DIAPH2: variants seen among roughly 807,000 people sequenced by gnomAD.
The protein encoded by DIAPH2 is protein diaphanous homolog 2.
DIAPH2 carries 35 observed loss-of-function variants against 92.7 expected under a neutral mutation model. That is an observed-to-expected ratio of 0.38 (90% CI 0.29 to 0.50). The LOEUF is 0.50. Ranked by LOEUF, DIAPH2 falls within the 20% of genes least tolerant of loss-of-function variation. The probability of loss-of-function intolerance (pLI) is 0.94; values close to 1 mark genes in which losing one functional copy is unlikely to be tolerated. For missense variants in DIAPH2, 701 were observed against 819.5 expected (o/e 0.86, Z 1.77); for synonymous variants, 301 against 280.4 (o/e 1.07, Z -0.73).
chrX:96,808,449 A>G (rs1170605401), intron 4 of DIAPH2, among the ~76,000 whole-genome samples: 1 of 111,812 alleles, frequency 8.9e-6, no homozygotes, highest in Non-Finnish European at 1.9e-5. Flanking sequence ...TCATATTTTG[A>G]ATATATCTGC....
intron 26 of DIAPH2, among the ~76,000 whole-genome samples, chrX:97,464,747 A>G (rs1341398840): frequency 8.9e-6 from 1 of 112,196 alleles, no homozygotes; most frequent in Non-Finnish European, 1.9e-5. Context: ...CTACACCCAT[A>G]ATCCTAGCAC....
At chrX:97,313,415 G>A (rs1007958501) in intron 23 of DIAPH2, among the ~76,000 whole-genome samples, 2 of 111,468 alleles carry the variant, frequency 1.8e-5, no homozygotes, top group African/African-American at 6.5e-5. Flanking sequence ...ATATAACATG[G>A]TTTGAAAAAT....
chrX:97,208,879 G>T (rs2067818220), intron 22 of DIAPH2, among the ~76,000 whole-genome samples: 1 of 108,752 alleles, frequency 9.2e-6, no homozygotes, highest in Non-Finnish European at 1.9e-5. Context: ...GTTTTTTTTT[G>T]GTCATTATTT....
chrX:97,118,984 T>A (rs1321780867), intron 21 of DIAPH2, among the ~76,000 whole-genome samples: 1 of 111,993 alleles, frequency 8.9e-6, no homozygotes, highest in Non-Finnish European at 1.9e-5. Flanking sequence ...TTCCTTGCAT[T>A]GGGCTTCACC....
intron 24 of DIAPH2, among the ~76,000 whole-genome samples, chrX:97,365,502 CTGAT>C (rs774956549): frequency 5.4e-5 from 6 of 110,829 alleles, no homozygotes; most frequent in Non-Finnish European, 1.1e-4. Context: ...CCCTTTTTCT[CTGAT>C]TGGAATACAG....
chrX:97,423,875 AC>A (rs1284660482), intron 25 of DIAPH2, among the ~76,000 whole-genome samples: 5 of 110,890 alleles, frequency 4.5e-5, no homozygotes, highest in African/African-American at 1.3e-4. Context: ...AAACACATAA[AC>A]AATTTTTTTT....
At chrX:97,053,768 A>G (rs987682307) in intron 17 of DIAPH2, among the ~76,000 whole-genome samples, 2 of 111,696 alleles carry the variant, frequency 1.8e-5, no homozygotes, top group East Asian at 2.8e-4. Context: ...AAAAAAATCA[A>G]TACAGTCTAC....
At chrX:97,339,463 C>T (rs773542614) in intron 23 of DIAPH2, among the ~76,000 whole-genome samples, 3 of 110,327 alleles carry the variant, frequency 2.7e-5, no homozygotes, top group East Asian at 2.8e-4. Context: ...TGCAGCGAGC[C>T]GAGATCACGC....
At chrX:97,222,892 A>G (rs1315520505) in intron 22 of DIAPH2, among the ~76,000 whole-genome samples, 1 of 111,275 alleles carries the variant, frequency 9.0e-6, no homozygotes, top group Non-Finnish European at 1.9e-5. Flanking sequence ...GATTATCACC[A>G]CTCACTGCAG....
chrX:97,462,277 G>C (rs910192850), intron 26 of DIAPH2, among the ~76,000 whole-genome samples: 6 of 112,203 alleles, frequency 5.3e-5, no homozygotes, highest in Non-Finnish European at 1.1e-4. Context: ...AAAGTTGGTG[G>C]TTTAGAATAA....
intron 26 of DIAPH2, among the ~76,000 whole-genome samples, chrX:97,500,775 T>G (rs2070790956): frequency 3.8e-5 from 3 of 79,174 alleles, no homozygotes; most frequent in South Asian, 6.6e-4. Flanking sequence ...TATATATATA[T>G]ATATATATAT....
At chrX:97,461,039 G>A (rs948509598) in intron 26 of DIAPH2, among the ~76,000 whole-genome samples, 3 of 111,960 alleles carry the variant, frequency 2.7e-5, no homozygotes, top group Non-Finnish European at 5.6e-5. Flanking sequence ...CTACAGGGCC[G>A]ATTCTAGCAT....
chrX:97,269,755 T>A (rs57238991), intron 23 of DIAPH2, among the ~76,000 whole-genome samples: 3,200 of 105,638 alleles, frequency 0.03, 88 homozygotes, highest in African/African-American at 0.091. Context: ...ATTTTTATTT[T>A]TTTTTTTTTT....
At chrX:96,901,869 G>A (rs2065399677) in intron 5 of DIAPH2, among the ~76,000 whole-genome samples, 1 of 110,899 alleles carries the variant, frequency 9.0e-6, no homozygotes, top group African/African-American at 3.3e-5. Flanking sequence ...TACTTGAGGT[G>A]TGACATTAGG....
intron 4 of DIAPH2, among the ~76,000 whole-genome samples, chrX:96,782,731 G>A (rs1050202775): frequency 3.6e-5 from 4 of 111,283 alleles, no homozygotes; most frequent in African/African-American, 1.3e-4. Context: ...GCTACTCCTG[G>A]CCAATATTTC....
chrX:96,813,490 G>C (rs1602530402), intron 4 of DIAPH2, among the ~76,000 whole-genome samples: 1 of 111,295 alleles, frequency 9.0e-6, no homozygotes, highest in South Asian at 3.8e-4. Flanking sequence ...TTGCCAGTCT[G>C]TGTCTTTTAA....
At chrX:96,722,230 G>A (rs747791709) in intron 1 of DIAPH2, among the ~76,000 whole-genome samples, 2 of 110,420 alleles carry the variant, frequency 1.8e-5, no homozygotes, top group South Asian at 3.9e-4. Context: ...GGTGGTGGGC[G>A]CCTGTGATCT....
intron 25 of DIAPH2, among the ~76,000 whole-genome samples, chrX:97,402,995 G>A (rs2015145778): frequency 8.9e-6 from 1 of 111,801 alleles, no homozygotes; most frequent in Admixed American, 9.5e-5. Flanking sequence ...AAATGAAAAT[G>A]TGGGACCTCT....
chrX:97,192,224 G>A (rs146011228), intron 22 of DIAPH2, among the ~76,000 whole-genome samples: 254 of 104,582 alleles, frequency 2.4e-3, no homozygotes, highest in African/African-American at 8.6e-3. Context: ...AACCCGTGAG[G>A]CAGAGGTTTT....
Sources: allele counts gnomAD v4.1 joint callset (sites outside exome capture counted in the v4.1 genomes callset), GRCh38; gene constraint gnomAD v4.1.1; transcripts MANE v1.5; gene names NCBI Gene and HGNC (gene_info 2026-07-23, HGNC 2026-07-21).